The following ERBIN variants were observed in gnomAD, a reference collection of about 807,000 sequenced individuals.
ERBIN encodes the protein densin-180-like protein.
ERBIN carries 60 observed loss-of-function variants against 158.4 expected under a neutral mutation model. The observed-to-expected ratio is 0.38, with a 90% confidence interval of 0.31 to 0.47. ERBIN has a LOEUF of 0.47. Ranked by LOEUF, ERBIN falls within the 20% of genes least tolerant of loss-of-function variation. ERBIN has a pLI of 0.99. For missense variants in ERBIN, 1,610 were observed against 1,648.0 expected, an observed-to-expected ratio of 0.98 and a Z score of 0.40; for synonymous variants, 594 against 557.2, an observed-to-expected ratio of 1.07 and a Z score of -0.93.
Position 65,962,450 on chromosome 5 carries a change from T to C in ERBIN, c.-57-26185T>C, listed in dbSNP as rs141685371. 2.4e-3 allele frequency among the ~76,000 whole-genome samples: 367 copies of C among 151,670 alleles called. 1 individual carries two copies. The highest frequency in any genetic ancestry group is 2.9e-3 in the Non-Finnish European group (199 of 67,998). ...AACTAAAACCAAATGTTAGGACTTA[T>C]GCAACGTGAGAGAAGAAACTGAATT... On this transcript the variant is annotated intron_variant, in intron 1 of 25. Transcript: ENST00000284037.
intron 13 of ERBIN, 109 bp downstream of exon 13, chr5:66,026,526 T>C (rs1029680651): frequency 2.7e-5 from 13 of 487,258 alleles, no homozygotes; most frequent in African/African-American, 1.8e-4. Context: ...TCTTTAAATA[T>C]ACATAGTAAG....
Position 66,054,759 on chromosome 5 carries a change from CTCTAT to C in ERBIN, c.3443_3447del (p.Ser1148Ter). The C allele has an allele frequency of 6.2e-7, 1 of 1,614,118 alleles. No individual in the cohort carries two copies. Among genetic ancestry groups the C allele is most frequent in the Non-Finnish European group, 8.5e-7 (1 of 1,180,010 alleles). On this transcript the variant is annotated frameshift_variant, in exon 21 of 26. Coordinates refer to ENST00000284037, the MANE Select transcript of ERBIN (RefSeq NM_001253697.2). LOFTEE classifies it high-confidence loss of function. ...CATCAAGACCTCAGAGTGCTCGACC[CTCTAT>C]TAATGAAATACCAGAGAGAACTATG...
chr5:66,068,276 G>T (rs1394245770), intron 21 of ERBIN, among the ~76,000 whole-genome samples: 1 of 151,880 alleles, frequency 6.6e-6, no homozygotes. Flanking sequence ...GTTTGAAGCT[G>T]CAGTGAGCCA....
intron 9 of ERBIN, among the ~76,000 whole-genome samples, chr5:66,023,580 TGTGTCCTTTCCAATG>T (rs1223339903): frequency 1.3e-5 from 2 of 152,146 alleles, no homozygotes; most frequent in African/African-American, 4.8e-5. Flanking sequence ...TACTGTTGAG[TGTGTCCTTTCCAATG>T]GTATCACTTG....
intron 1 of ERBIN, among the ~76,000 whole-genome samples, chr5:65,969,216 C>G (rs761803887): frequency 6.6e-6 from 1 of 152,074 alleles, no homozygotes; most frequent in Non-Finnish European, 1.5e-5. Flanking sequence ...AACAGGAAAA[C>G]ACAAAAAGTA....
At chr5:65,972,247 A>G (rs1414265314) in intron 1 of ERBIN, among the ~76,000 whole-genome samples, 3 of 152,192 alleles carry the variant, frequency 2.0e-5, no homozygotes, top group African/African-American at 7.2e-5. Flanking sequence ...ATCCATATGT[A>G]TATAAGTGTT....
intron 7 of ERBIN, among the ~76,000 whole-genome samples, chr5:66,020,108 G>A (rs1472022031): frequency 6.6e-6 from 1 of 151,996 alleles, no homozygotes; most frequent in Non-Finnish European, 1.5e-5. Flanking sequence ...CTGAGAATAG[G>A]CACTTAGTAA....
chr5:66,014,570 C>T (rs1754521371), intron 6 of ERBIN, 99 bp from the exon 7 acceptor site: 1 of 566,652 alleles, frequency 1.8e-6, no homozygotes, highest in Non-Finnish European at 3.0e-6. Flanking sequence ...TTAGTAATTA[C>T]ACAATTACAT....
chr5:65,958,596 C>CAGAGGGAGACCGTGGAAGG, intron 1 of ERBIN, among the ~76,000 whole-genome samples: 1 of 140,678 alleles, frequency 7.1e-6, no homozygotes, highest in East Asian at 2.0e-4. Flanking sequence ...GGCTGGGCAT[C>CAGAGGGAGACCGTGGAAGG]AGAGGGAGAC....
chr5:66,011,726 T>A (rs784275), intron 4 of ERBIN, among the ~76,000 whole-genome samples: 4,074 of 151,868 alleles, frequency 0.027, 77 homozygotes, highest in Non-Finnish European at 0.039. Context: ...CCTTTTTTTT[T>A]AAAGTGAGAG....
chr5:66,007,978 G>A (rs1366100044), intron 4 of ERBIN, among the ~76,000 whole-genome samples: 1 of 152,156 alleles, frequency 6.6e-6, no homozygotes, highest in African/African-American at 2.4e-5. Context: ...GAAAACCAGT[G>A]TTTCAAAACT....
chr5:65,970,394 C>T (rs1435949739), intron 1 of ERBIN, among the ~76,000 whole-genome samples: 3 of 152,158 alleles, frequency 2.0e-5, no homozygotes, highest in Non-Finnish European at 4.4e-5. Flanking sequence ...TTCTAGCCCC[C>T]TGCTGACTAC....
chr5:65,963,874 C>T (rs1748222979), intron 1 of ERBIN, among the ~76,000 whole-genome samples: 1 of 150,836 alleles, frequency 6.6e-6, no homozygotes, highest in African/African-American at 2.4e-5. Context: ...ACTGCAAGCT[C>T]CGCCTCCTGG....
chr5:65,998,167 A>G (rs1752640783), intron 4 of ERBIN, among the ~76,000 whole-genome samples: 1 of 151,730 alleles, frequency 6.6e-6, no homozygotes, highest in South Asian at 2.1e-4. Flanking sequence ...GATGGAGGTT[A>G]CAGTGAGCCA....
At position 65,992,860 on chromosome 5, in the gene ERBIN, T is replaced by C. The variant is rs1228933690; in HGVS notation, c.142T>C (p.Leu48=). Residue 48 remains leucine, a synonymous_variant, in exon 3 of 26, where the codon TTG becomes CTG. Coordinates refer to ENST00000284037, the MANE Select transcript of ERBIN (RefSeq NM_001253697.2). The stretch of plus-strand genomic sequence containing the variant: ...AGAGATTTTTACTTTTGAAAAAACC[T>C]TGGAGGAACTCTATTTAGATGCTAA... The part of the protein sequence containing the change: ...PKEIFTFEKT[L]EELYLDANQI... 6.2e-7 allele frequency: 1 copy of C among 1,613,160 alleles called. No individual in the cohort carries two copies. The highest frequency in any genetic ancestry group is 1.3e-5 in the African/African-American group (1 of 75,004).
chr5:65,965,405 T>G (rs1355421243), intron 1 of ERBIN, among the ~76,000 whole-genome samples: 5 of 16,930 alleles, frequency 3.0e-4, no homozygotes, highest in African/African-American at 6.7e-4. Flanking sequence ...TTTTTTTTTT[T>G]TTTTTTTTTT....
At chr5:65,996,260 T>TG (rs1561349415) in intron 4 of ERBIN, among the ~76,000 whole-genome samples, 16 of 149,952 alleles carry the variant, frequency 1.1e-4, no homozygotes, top group African/African-American at 4.0e-4. Context: ...TTTTTTTTTT[T>TG]TTTTTAACAG....
intron 14 of ERBIN, among the ~76,000 whole-genome samples, chr5:66,034,441 C>T (rs1757192221): frequency 6.6e-6 from 1 of 151,894 alleles, no homozygotes. Context: ...AGGCACTTAT[C>T]ACCACACCCA....
At chr5:66,063,268 G>A (rs996726383) in intron 21 of ERBIN, among the ~76,000 whole-genome samples, 3 of 152,184 alleles carry the variant, frequency 2.0e-5, no homozygotes, top group Admixed American at 6.5e-5. Context: ...CCTCGCTGTG[G>A]CCTTGCAGTT....
Sources: gnomAD v4.1 joint callset for allele counts (sites outside exome capture counted in the v4.1 genomes callset) on GRCh38, gnomAD v4.1.1 for gene constraint, MANE v1.5 for transcripts, NCBI Gene and HGNC (gene_info 2026-07-23, HGNC 2026-07-21) for gene names.